MON2: variants seen among roughly 807,000 people sequenced by gnomAD.
The protein encoded by MON2 is protein MON2 homolog.
Under a neutral mutation model 208.6 loss-of-function variants are expected in MON2, and 84 were observed. The ratio of observed to expected loss-of-function variants is 0.40; its 90% CI spans 0.34 to 0.48. The LOEUF is 0.48. MON2 is among the 20% of genes least tolerant of loss of function. The pLI, the probability that MON2 is intolerant of heterozygous loss-of-function variation, is 0.59. For missense variants in MON2, 1,611 were observed against 2,015.4 expected (o/e 0.80, Z 3.84); for synonymous variants, 660 against 694.0 (o/e 0.95, Z 0.77).
intron 11 of MON2, among the ~76,000 whole-genome samples, chr12:62,531,776 T>C (rs1359310540): frequency 2.6e-5 from 4 of 152,114 alleles, no homozygotes; most frequent in Non-Finnish European, 4.4e-5. Context: ...TTTTTTATTT[T>C]TTATTTTTTT....
At chr12:62,476,066 A>G (rs1257369649) in intron 1 of MON2, among the ~76,000 whole-genome samples, 6 of 152,094 alleles carry the variant, frequency 3.9e-5, no homozygotes, top group South Asian at 4.1e-4. Flanking sequence ...AATACCATGT[A>G]TATATTTTTA....
chr12:62,499,199 T>C lies in MON2; in HGVS notation c.565+151T>C, dbSNP rs916145641. On this transcript the variant is annotated intron_variant, in intron 5 of 34. Coordinates refer to ENST00000393630, the MANE Select transcript of MON2 (RefSeq NM_015026.3). ...CCTCACAATTTGATCCCCTGAGGAATAGGCTCCTTGTTTTCCTTGTTTATT... is the reference window on the plus strand; with the variant it reads ...CCTCACAATTTGATCCCCTGAGGAACAGGCTCCTTGTTTTCCTTGTTTATT... The C allele has an allele frequency of 2.0e-5, 15 of 738,314 alleles. No individual in the cohort carries two copies. The African/African-American group carries it at 2.5e-4, about 12-fold the overall frequency. 45.7% of individuals were successfully genotyped at this position (738,314 alleles called of 1,614,324 possible).
chr12:62,578,706 T>C (rs1308265314), intron 31 of MON2, among the ~76,000 whole-genome samples: 4 of 152,218 alleles, frequency 2.6e-5, no homozygotes, highest in African/African-American at 9.6e-5. Context: ...TACAGTCTTG[T>C]GCTTTGTGCG....
At chr12:62,512,897 G>A (rs555141528) in intron 8 of MON2, among the ~76,000 whole-genome samples, 115 of 152,298 alleles carry the variant, frequency 7.6e-4, no homozygotes, top group African/African-American at 2.5e-3. Context: ...CTCTGCACTC[G>A]CAGGCTCAAC....
At chr12:62,501,425 C>A in intron 6 of MON2, 148 bp from the exon 7 acceptor site, 1 of 785,074 alleles carries the variant, frequency 1.3e-6, no homozygotes, top group East Asian at 2.7e-5. Context: ...CACAATTTGT[C>A]AAAATTGGAA....
Position 62,571,408 on chromosome 12 carries a change from T to C in MON2, c.4340T>C (p.Leu1447Pro). 6.2e-7 allele frequency: 1 copy of C among 1,605,958 alleles called. No individual in the cohort carries two copies. The highest frequency in any genetic ancestry group is 8.5e-7 in the Non-Finnish European group (1 of 1,174,798). ...TATTTTCAGACTCTTAGGGTTCCTC[T>C]CAGTTTGAAGTATTCCTGCCCTTCT... The part of the protein sequence containing the change: ...QNIIKTLRVP[L>P]SLKYSCPSES... The change falls in exon 30 of 35, where the codon CTC becomes CCC. Residue 1447 changes from leucine to proline, a missense_variant. Transcript: ENST00000393630.
At chr12:62,565,092 T>C in intron 26 of MON2, 145 bp from the exon 27 acceptor site, 2 of 722,144 alleles carry the variant, frequency 2.8e-6, no homozygotes, top group African/African-American at 1.8e-5. Flanking sequence ...TAAAATAGTT[T>C]GTGTCCTTTA....
At chr12:62,586,268 G>A (rs550942112) in intron 33 of MON2, among the ~76,000 whole-genome samples, 7 of 152,310 alleles carry the variant, frequency 4.6e-5, no homozygotes, top group East Asian at 3.9e-4. Context: ...GGTAGGACTG[G>A]AGAGGCAAAT....
intron 14 of MON2, among the ~76,000 whole-genome samples, chr12:62,536,283 C>G (rs566450380): frequency 7.9e-5 from 12 of 152,106 alleles, no homozygotes; most frequent in African/African-American, 2.7e-4. Context: ...GTTAAACTTA[C>G]ATTCAAAAAT....
chr12:62,468,168 C>G (rs1374976083), intron 1 of MON2, among the ~76,000 whole-genome samples: 3 of 145,292 alleles, frequency 2.1e-5, no homozygotes, highest in Non-Finnish European at 4.5e-5. Flanking sequence ...AAAAAAAAAA[C>G]AAACAAAAAA....
intron 29 of MON2, among the ~76,000 whole-genome samples, chr12:62,568,395 G>A (rs1335767454): frequency 6.6e-6 from 1 of 152,134 alleles, no homozygotes. Context: ...CAGGAGTGGA[G>A]TGGCATAATT....
intron 21 of MON2, among the ~76,000 whole-genome samples, chr12:62,546,352 T>C (rs2136280125): frequency 6.6e-6 from 1 of 152,298 alleles, no homozygotes; most frequent in South Asian, 2.1e-4. Context: ...TAACTACCCA[T>C]TTATCTAAAA....
intron 1 of MON2, among the ~76,000 whole-genome samples, chr12:62,477,580 A>C (rs1428316739): frequency 7.1e-6 from 1 of 141,250 alleles, no homozygotes; most frequent in Admixed American, 7.4e-5. Context: ...ACGTTTGCCT[A>C]ATTTTTTTTT....
At chr12:62,509,395 GTCAGCCACCATGCC>G (rs1565629833) in intron 8 of MON2, among the ~76,000 whole-genome samples, 1 of 152,112 alleles carries the variant, frequency 6.6e-6, no homozygotes, top group Non-Finnish European at 1.5e-5. Context: ...GATTACAGGC[GTCAGCCACCATGCC>G]TGGCCCTATA....
intron 2 of MON2, among the ~76,000 whole-genome samples, chr12:62,489,341 T>C (rs2136026689): frequency 6.6e-6 from 1 of 152,258 alleles, no homozygotes; most frequent in Non-Finnish European, 1.5e-5. Flanking sequence ...TGATCATTTT[T>C]TCCCTGTATT....
chr12:62,555,119 T>G (rs1428860303), intron 24 of MON2, among the ~76,000 whole-genome samples: 1 of 152,076 alleles, frequency 6.6e-6, no homozygotes, highest in African/African-American at 2.4e-5. Context: ...TCTTATACAT[T>G]AACCCATAAA....
intron 7 of MON2, among the ~76,000 whole-genome samples, chr12:62,504,867 A>G (rs1413775190): frequency 6.6e-6 from 1 of 152,210 alleles, no homozygotes; most frequent in Non-Finnish European, 1.5e-5. Flanking sequence ...GAAAAGTATT[A>G]AAAGTGTTAG....
chr12:62,503,577 C>T (rs1381142194), intron 7 of MON2, among the ~76,000 whole-genome samples: 2 of 152,178 alleles, frequency 1.3e-5, no homozygotes, highest in Non-Finnish European at 2.9e-5. Flanking sequence ...CAGTTGATAT[C>T]CTCCTTATCA....
At position 62,500,876 on chromosome 12, in the gene MON2, TC is replaced by T; in HGVS notation, c.661del (p.Gln221ArgfsTer15). Reference sequence around the variant, plus strand: ...TGTGCTAAAGATGCATATATGCTTTTCCAGGTATTTTAGTTGATAAAAGTAA... The same window carrying T: ...TGTGCTAAAGATGCATATATGCTTTTCAGGTATTTTAGTTGATAAAAGTAA... ...KPCAKDAYML[F>X]QDLCQLVNAD... On this transcript the variant is annotated frameshift_variant, in exon 6 of 35. Coordinates refer to ENST00000393630, the MANE Select transcript of MON2 (RefSeq NM_015026.3). LOFTEE classifies it high-confidence loss of function. 1 of 1,534,712 alleles carries T rather than the reference TC, an allele frequency of 6.5e-7. No homozygotes were observed. Among genetic ancestry groups the T allele is most frequent in the Non-Finnish European group, 8.8e-7 (1 of 1,133,150 alleles).
Sources: allele counts gnomAD v4.1 joint callset (sites outside exome capture counted in the v4.1 genomes callset), GRCh38; gene constraint gnomAD v4.1.1; transcripts MANE v1.5; gene names NCBI Gene and HGNC (gene_info 2026-07-23, HGNC 2026-07-21).